The following NELL1 variants were observed in gnomAD, a reference collection of about 807,000 sequenced individuals.
NELL1 encodes protein kinase C-binding protein NELL1.
NELL1 carries 76 observed loss-of-function variants against 107.4 expected under a neutral mutation model. That is an observed-to-expected ratio of 0.71 (90% CI 0.59 to 0.86). The LOEUF is 0.86. Ranked by LOEUF, NELL1 falls within the 40% of genes least tolerant of loss-of-function variation. The probability of loss-of-function intolerance (pLI) is 0.00; values close to 1 mark genes in which losing one functional copy is unlikely to be tolerated. For missense variants in NELL1, 1,024 were observed against 1,005.5 expected, an observed-to-expected ratio of 1.02 and a Z score of -0.25; for synonymous variants, 353 against 341.2, an observed-to-expected ratio of 1.03 and a Z score of -0.38.
intron 12 of NELL1, among the ~76,000 whole-genome samples, chr11:21,032,973 A>G (rs1015513785): frequency 2.4e-4 from 36 of 152,204 alleles, no homozygotes; most frequent in African/African-American, 8.4e-4. Flanking sequence ...TTTATTTGAA[A>G]ATGACTATTT....
At chr11:21,258,017 C>A (rs554111640) in intron 14 of NELL1, among the ~76,000 whole-genome samples, 1 of 152,046 alleles carries the variant, frequency 6.6e-6, no homozygotes, top group South Asian at 2.1e-4. Flanking sequence ...AGGACCATGA[C>A]TCTTTGTCTC....
At chr11:21,524,087 C>A (rs551595576) in intron 15 of NELL1, among the ~76,000 whole-genome samples, 1 of 152,048 alleles carries the variant, frequency 6.6e-6, no homozygotes, top group African/African-American at 2.4e-5. Flanking sequence ...CTTCAAAGTC[C>A]TATGTATTCC....
intron 12 of NELL1, among the ~76,000 whole-genome samples, chr11:21,044,044 T>A (rs1853300153): frequency 6.6e-6 from 1 of 152,116 alleles, no homozygotes; most frequent in Admixed American, 6.6e-5. Context: ...TAAATGACAT[T>A]TGAAACCATA....
intron 12 of NELL1, among the ~76,000 whole-genome samples, chr11:21,047,171 G>A (rs534419638): frequency 6.6e-6 from 1 of 152,182 alleles, no homozygotes; most frequent in East Asian, 1.9e-4. Flanking sequence ...GAGAAATGTT[G>A]CTCTTGGGAA....
chr11:21,270,815 TATC>T (rs745798404), intron 14 of NELL1, among the ~76,000 whole-genome samples: 60 of 152,070 alleles, frequency 3.9e-4, no homozygotes, highest in Non-Finnish European at 5.6e-4. Flanking sequence ...GAACAGAAAT[TATC>T]ATACAATATC....
At chr11:21,446,075 G>A (rs1853419053) in intron 15 of NELL1, among the ~76,000 whole-genome samples, 1 of 151,590 alleles carries the variant, frequency 6.6e-6, no homozygotes, top group African/African-American at 2.4e-5. Flanking sequence ...TTTTCAAACA[G>A]CCTGTCTTCA....
intron 2 of NELL1, among the ~76,000 whole-genome samples, chr11:20,701,041 G>A (rs1043041045): frequency 6.6e-6 from 1 of 152,152 alleles, no homozygotes; most frequent in African/African-American, 2.4e-5. Context: ...GGATGGCTGG[G>A]TCAAATGGTA....
At chr11:20,961,340 C>T (rs1354861801) in intron 12 of NELL1, among the ~76,000 whole-genome samples, 4 of 152,148 alleles carry the variant, frequency 2.6e-5, no homozygotes, top group Non-Finnish European at 5.9e-5. Context: ...CCATTTCCAA[C>T]GTGCTCATGG....
chr11:20,718,572 C>CATTT (rs1855307104), intron 2 of NELL1, among the ~76,000 whole-genome samples: 1 of 152,040 alleles, frequency 6.6e-6, no homozygotes, highest in African/African-American at 2.4e-5. Context: ...AGAAGGCAGT[C>CATTT]ATTACCCTTG....
intron 15 of NELL1, among the ~76,000 whole-genome samples, chr11:21,405,783 C>A (rs568028409): frequency 6.6e-6 from 1 of 152,052 alleles, no homozygotes; most frequent in East Asian, 2.0e-4. Context: ...ACATTAATTC[C>A]TTCTACTAAA....
At chr11:21,564,329 G>A (rs1258393603) in intron 17 of NELL1, among the ~76,000 whole-genome samples, 1 of 151,952 alleles carries the variant, frequency 6.6e-6, no homozygotes, top group African/African-American at 2.4e-5. Flanking sequence ...GATGACTGAT[G>A]ATGCTAGAGA....
At chr11:20,807,178 T>A (rs1857402877) in intron 3 of NELL1, among the ~76,000 whole-genome samples, 1 of 152,156 alleles carries the variant, frequency 6.6e-6, no homozygotes. Context: ...ATTGTACCTA[T>A]GCTTTTGTGA....
intron 14 of NELL1, among the ~76,000 whole-genome samples, chr11:21,306,874 AAT>A (rs1227721831): frequency 6.6e-6 from 1 of 152,068 alleles, no homozygotes; most frequent in Non-Finnish European, 1.5e-5. Context: ...CATAGAATGT[AAT>A]AACATTTAAG....
chr11:20,768,514 A>G (rs1856579682), intron 2 of NELL1, among the ~76,000 whole-genome samples: 1 of 152,260 alleles, frequency 6.6e-6, no homozygotes, highest in Non-Finnish European at 1.5e-5. Flanking sequence ...TGATGGCCAC[A>G]TTCTAATCTC....
chr11:20,926,457 A>C (rs1049507534), intron 7 of NELL1, among the ~76,000 whole-genome samples: 1 of 152,166 alleles, frequency 6.6e-6, no homozygotes, highest in African/African-American at 2.4e-5. Context: ...GAAAAAAAGA[A>C]AGATTTCACA....
At chr11:21,034,783 C>CA (rs1343596834) in intron 12 of NELL1, among the ~76,000 whole-genome samples, 6 of 152,038 alleles carry the variant, frequency 3.9e-5, no homozygotes, top group African/African-American at 1.4e-4. Flanking sequence ...ATGCCCACAT[C>CA]AAAAAGCTAG....
In NELL1 at chr11:20,928,456, G is replaced by A; in HGVS notation, c.974G>A (p.Gly325Asp). 1.2e-6 allele frequency: 2 copies of A among 1,613,914 alleles called. No homozygotes were observed. The highest frequency in any genetic ancestry group is 1.7e-6 in the Non-Finnish European group (2 of 1,179,870). ...GACTCCCTCCCAGTGCACATTGCTGGCCAGTGCTGTAAGGTCTGCCGACGT... is the reference window on the plus strand; with the variant it reads ...GACTCCCTCCCAGTGCACATTGCTGACCAGTGCTGTAAGGTCTGCCGACGT... Reference protein sequence around the residue: ...SPDSLPVHIAGQCCKVCRPKC... With the variant: ...SPDSLPVHIADQCCKVCRPKC... Residue 325 changes from glycine (G) to aspartate (D), a missense_variant, in exon 9 of 20, where the codon GGC becomes GAC. By Grantham distance (94) the Gly-to-Asp change is moderately conservative. Coordinates refer to ENST00000357134, the MANE Select transcript of NELL1 (RefSeq NM_006157.5).
intron 12 of NELL1, among the ~76,000 whole-genome samples, chr11:20,993,376 C>T (rs1852019847): frequency 1.3e-5 from 2 of 152,216 alleles, no homozygotes; most frequent in Non-Finnish European, 2.9e-5. Flanking sequence ...CATGAACACA[C>T]AGAAATGGGC....
At position 21,325,474 on chromosome 11, in the gene NELL1, T is replaced by C. The variant is rs925127818; in HGVS notation, c.1550-45379T>C. On this transcript the variant is annotated intron_variant, in intron 14 of 19. Coordinates refer to ENST00000357134, the MANE Select transcript of NELL1 (RefSeq NM_006157.5). ...CATGAGAATTCTTGTTTTGCCACCCTTTCTTCTAAATTTGTGTGCCTATTT... is the reference window on the plus strand; with the variant it reads ...CATGAGAATTCTTGTTTTGCCACCCCTTCTTCTAAATTTGTGTGCCTATTT... Among the ~76,000 whole-genome samples the C allele has an allele frequency of 4.6e-5, 7 of 152,078 alleles. No individual in the cohort carries two copies. The East Asian group carries it at 1.2e-3, about 25-fold the overall frequency.
Sources: allele counts gnomAD v4.1 joint callset (sites outside exome capture counted in the v4.1 genomes callset), GRCh38; gene constraint gnomAD v4.1.1; transcripts MANE v1.5; gene names NCBI Gene and HGNC (gene_info 2026-07-23, HGNC 2026-07-21).